The following USP34 variants were observed in gnomAD, a reference collection of about 807,000 sequenced individuals.
The protein encoded by USP34 is ubiquitin specific peptidase 34.
USP34 carries 70 observed loss-of-function variants against 460.3 expected under a neutral mutation model. The observed-to-expected ratio is 0.15, with a 90% confidence interval of 0.13 to 0.19. The LOEUF is 0.19. Among genes scored for constraint, USP34 ranks in the 10% least tolerant of loss-of-function variants. The probability of loss-of-function intolerance (pLI) is 1.00; values close to 1 mark genes in which losing one functional copy is unlikely to be tolerated. For synonymous variants in USP34, 1,647 were observed against 1,405.3 expected, an observed-to-expected ratio of 1.17 and a Z score of -3.85; for missense variants, 3,985 against 4,236.2, an observed-to-expected ratio of 0.94 and a Z score of 1.65.
In USP34 at chr2:61,311,694, T is replaced by G; in HGVS notation, c.3670-7A>C. The G allele has an allele frequency of 6.2e-7, 1 of 1,609,390 alleles. No individual in the cohort carries two copies. Among genetic ancestry groups the G allele is most frequent in the East Asian group, 2.2e-5 (1 of 44,822 alleles). On this transcript the variant is annotated splice_polypyrimidine_tract_variant and splice_region_variant and intron_variant, in intron 26 of 79. Transcript: ENST00000398571. Reference sequence around the variant, plus strand: ...GATACATTTCAATAGTCATCTGAAATATGAGATGCAACCAATTTAAAAATA... The same window carrying G: ...GATACATTTCAATAGTCATCTGAAAGATGAGATGCAACCAATTTAAAAATA...
chr2:61,262,704 T>C (rs1229599101), intron 43 of USP34, among the ~76,000 whole-genome samples: 1 of 152,190 alleles, frequency 6.6e-6, no homozygotes, highest in Non-Finnish European at 1.5e-5. Flanking sequence ...ATATACCCAA[T>C]GGAATAGCTG....
At chr2:61,265,326 A>C in intron 43 of USP34, 71 bp downstream of exon 43, 1 of 1,497,188 alleles carries the variant, frequency 6.7e-7, no homozygotes, top group Non-Finnish European at 9.0e-7. Flanking sequence ...ACTACATTGA[A>C]ATAAAAATTT....
At position 61,214,456 on chromosome 2, in the gene USP34, A is replaced by G. The variant is rs1687346906; in HGVS notation, c.8286T>C (p.Cys2762=). Residue 2762 remains cysteine, a synonymous_variant, in exon 68 of 80, where the codon TGT becomes TGC. Coordinates refer to ENST00000398571, the MANE Select transcript of USP34 (RefSeq NM_014709.4). ...TCAGCTTCTCAGTTTTGGAAATTAA[A>G]CAGTAAGTCATAAAGCTAAAATAGG... ...LVPYFSFMTY[C]LISKTEKLMF... is the part of the protein sequence containing the mutation. The G allele has an allele frequency of 2.5e-6, 4 of 1,614,190 alleles. No individual in the cohort carries two copies. The highest frequency in any genetic ancestry group is 1.1e-5 in the South Asian group (1 of 91,080).
intron 33 of USP34, among the ~76,000 whole-genome samples, chr2:61,289,199 A>G (rs1689777285): frequency 6.6e-6 from 1 of 152,134 alleles, no homozygotes; most frequent in African/African-American, 2.4e-5. Context: ...CTCATAATTT[A>G]TAATTTTTTA....
intron 22 of USP34, 147 bp from the exon 23 acceptor site, chr2:61,317,914 AT>A: frequency 3.3e-6 from 2 of 612,572 alleles, no homozygotes; most frequent in Non-Finnish European, 5.3e-6. Context: ...ATAAAAATAT[AT>A]AATAATTTTG....
intron 64 of USP34, 51 bp from the exon 65 acceptor site, chr2:61,222,714 T>C: frequency 1.3e-5 from 20 of 1,558,190 alleles, no homozygotes; most frequent in Non-Finnish European, 1.7e-5. Context: ...GTTTTGTTTT[T>C]GAGACAGGGT....
In USP34 at chr2:61,188,043, T is replaced by A. The variant is rs749064258; in HGVS notation, c.*59A>T. On this transcript the variant is annotated 3_prime_UTR_variant, in exon 80 of 80. Coordinates refer to ENST00000398571, the MANE Select transcript of USP34 (RefSeq NM_014709.4). ...CACAAAAACAAATAAGCAAAACTTA[T>A]ACAAACAGCATGGGGGTTGGGGGTG... 145 of 1,544,094 alleles carry A rather than the reference T, an allele frequency of 9.4e-5. 1 individual carries two copies. The Admixed American group carries it at 9.5e-4, about 10-fold the overall frequency.
intron 25 of USP34, among the ~76,000 whole-genome samples, chr2:61,312,305 A>T (rs973897181): frequency 6.6e-6 from 1 of 152,036 alleles, no homozygotes; most frequent in Non-Finnish European, 1.5e-5. Context: ...ATTAAGAAAA[A>T]ATTTTCAGGG....
intron 1 of USP34, among the ~76,000 whole-genome samples, chr2:61,441,495 C>T (rs1193810484): frequency 6.6e-6 from 1 of 152,110 alleles, no homozygotes; most frequent in Non-Finnish European, 1.5e-5. Context: ...TCCTCTGGAG[C>T]CCAGGGCCAC....
At chr2:61,357,905 A>T (rs1048642610) in intron 10 of USP34, among the ~76,000 whole-genome samples, 3 of 152,142 alleles carry the variant, frequency 2.0e-5, no homozygotes, top group Non-Finnish European at 4.4e-5. Flanking sequence ...AAACAGTAAG[A>T]ATGGGCCGGG....
intron 43 of USP34, among the ~76,000 whole-genome samples, chr2:61,261,495 G>T (rs978875074): frequency 6.6e-6 from 1 of 152,158 alleles, no homozygotes; most frequent in Non-Finnish European, 1.5e-5. Context: ...GGTTGCAAGG[G>T]GGGTTGGGAG....
intron 75 of USP34, among the ~76,000 whole-genome samples, chr2:61,198,633 G>A (rs1057256362): frequency 6.6e-6 from 1 of 151,864 alleles, no homozygotes; most frequent in Non-Finnish European, 1.5e-5. Context: ...CACTTTGGGA[G>A]GCAGAGGCAC....
At chr2:61,424,917 C>T (rs981889056) in intron 1 of USP34, among the ~76,000 whole-genome samples, 7 of 152,130 alleles carry the variant, frequency 4.6e-5, no homozygotes, top group Non-Finnish European at 1.0e-4. Flanking sequence ...GCAACCTCCG[C>T]CTCCCAGGTT....
At chr2:61,312,846 C>T (rs973490623) in intron 25 of USP34, among the ~76,000 whole-genome samples, 5 of 152,206 alleles carry the variant, frequency 3.3e-5, no homozygotes, top group African/African-American at 9.6e-5. Context: ...CCAGGGATTA[C>T]GTACTATGTC....
At chr2:61,378,912 C>CAAAAAAAAAAAAAAAAAAA (rs1491197501) in intron 7 of USP34, among the ~76,000 whole-genome samples, 1 of 8,632 alleles carries the variant, frequency 1.2e-4, no homozygotes, top group Non-Finnish European at 2.1e-4. Flanking sequence ...CTCAAAAAAA[C>CAAAAAAAAAAAAAAAAAAA]GAAAAAAAAA....
intron 1 of USP34, among the ~76,000 whole-genome samples, chr2:61,466,198 G>A (rs1287892282): frequency 6.6e-6 from 1 of 152,012 alleles, no homozygotes; most frequent in African/African-American, 2.4e-5. Context: ...GCCAAGGCGG[G>A]CAGATCACTT....
intron 10 of USP34, among the ~76,000 whole-genome samples, chr2:61,369,093 C>T (rs1255048504): frequency 4.6e-5 from 7 of 152,150 alleles, no homozygotes; most frequent in South Asian, 4.2e-4. Flanking sequence ...ATAAAAGAAA[C>T]GCAAATTTAA....
At chr2:61,201,342 C>T (rs867705672) in intron 75 of USP34, among the ~76,000 whole-genome samples, 1 of 151,504 alleles carries the variant, frequency 6.6e-6, no homozygotes, top group Non-Finnish European at 1.5e-5. Context: ...CTCAGTCTCC[C>T]AAGTAGCTGC....
At chr2:61,367,421 A>C (rs1386673050) in intron 10 of USP34, among the ~76,000 whole-genome samples, 1 of 152,174 alleles carries the variant, frequency 6.6e-6, no homozygotes, top group Non-Finnish European at 1.5e-5. Context: ...TCAAGGCTGC[A>C]ATGAGCTAAT....
Sources: allele counts gnomAD v4.1 joint callset (sites outside exome capture counted in the v4.1 genomes callset), GRCh38; gene constraint gnomAD v4.1.1; transcripts MANE v1.5; gene names NCBI Gene and HGNC (gene_info 2026-07-23, HGNC 2026-07-21).